STARD13: variants seen among roughly 807,000 people sequenced by gnomAD.
STARD13 encodes StAR related lipid transfer domain containing 13, also known as stAR-related lipid transfer protein 13.
Under a neutral mutation model 106.4 loss-of-function variants are expected in STARD13, and 62 were observed. The ratio of observed to expected loss-of-function variants is 0.58; its 90% CI spans 0.48 to 0.72. The LOEUF is 0.72. STARD13 is among the 30% of genes least tolerant of loss of function. The pLI is 0.00. For missense variants in STARD13, 1,387 were observed against 1,424.0 expected, an observed-to-expected ratio of 0.97 and a Z score of 0.42; for synonymous variants, 565 against 553.0, an observed-to-expected ratio of 1.02 and a Z score of -0.31.
chr13:33,123,722 T>C (rs889256639), intron 7 of STARD13, among the ~76,000 whole-genome samples: 1 of 152,202 alleles, frequency 6.6e-6, no homozygotes, highest in African/African-American at 2.4e-5. Flanking sequence ...CTGCTGGGCA[T>C]GCAGGAGTGT....
chr13:33,370,359 T>C, the STARD13 span, among the ~76,000 whole-genome samples: 4 of 152,190 alleles, frequency 2.6e-5, no homozygotes, highest in East Asian at 1.9e-4. Context: ...TGAATTTCCA[T>C]ACATCTCTCA....
intron 1 of STARD13, among the ~76,000 whole-genome samples, chr13:33,328,760 C>T (rs2138552246): frequency 6.6e-6 from 1 of 152,322 alleles, no homozygotes; most frequent in Middle Eastern, 3.4e-3. Context: ...AGTGAGTTAT[C>T]AGTGGAGGTA....
chr13:33,143,889 T>C (rs747385119), intron 3 of STARD13, among the ~76,000 whole-genome samples: 70 of 152,184 alleles, frequency 4.6e-4, no homozygotes, highest in Non-Finnish European at 8.8e-4. Flanking sequence ...AACCATTGAA[T>C]TCAATGGCTT....
At chr13:33,248,999 C>T (rs1193803503) in intron 1 of STARD13, among the ~76,000 whole-genome samples, 1 of 152,140 alleles carries the variant, frequency 6.6e-6, no homozygotes, top group Admixed American at 6.5e-5. Flanking sequence ...CCTTTTTCCC[C>T]TTGCCAGATA....
intron 1 of STARD13, among the ~76,000 whole-genome samples, chr13:33,192,636 T>A (rs1484818136): frequency 6.6e-6 from 1 of 152,194 alleles, no homozygotes; most frequent in African/African-American, 2.4e-5. Context: ...CAGTGGCTCA[T>A]GCCTGTAATC....
At chr13:33,422,124 G>C in the STARD13 span, among the ~76,000 whole-genome samples, 2 of 152,048 alleles carry the variant, frequency 1.3e-5, no homozygotes, top group Non-Finnish European at 2.9e-5. Context: ...AGAAATAAAG[G>C]GTATTCAATA....
the STARD13 span, among the ~76,000 whole-genome samples, chr13:33,508,270 A>T: frequency 1.9e-4 from 29 of 152,202 alleles, no homozygotes; most frequent in African/African-American, 6.5e-4. Context: ...TGGCCCAGAC[A>T]GGCCAACAAA....
At chr13:33,530,072 T>A in the STARD13 span, among the ~76,000 whole-genome samples, 4 of 151,340 alleles carry the variant, frequency 2.6e-5, no homozygotes, top group Admixed American at 2.6e-4. Context: ...ATTGCTGGTA[T>A]CCCAACATTT....
chr13:33,522,599 G>C, the STARD13 span, among the ~76,000 whole-genome samples: 1 of 151,940 alleles, frequency 6.6e-6, no homozygotes, highest in Admixed American at 6.6e-5. Context: ...TCTTAATTTT[G>C]TCTTTTTCAT....
chr13:33,317,331 T>G (rs1172881787), intron 1 of STARD13, among the ~76,000 whole-genome samples: 1 of 152,192 alleles, frequency 6.6e-6, no homozygotes, highest in Non-Finnish European at 1.5e-5. Flanking sequence ...GCCAGTTTCT[T>G]AAACTAAATC....
chr13:33,399,649 C>T, the STARD13 span, among the ~76,000 whole-genome samples: 2 of 134,012 alleles, frequency 1.5e-5, no homozygotes, highest in Non-Finnish European at 3.0e-5. Flanking sequence ...GGCAGTGAGC[C>T]GAGACTTCAC....
intron 1 of STARD13, among the ~76,000 whole-genome samples, chr13:33,241,557 C>T (rs1889497529): frequency 6.6e-6 from 1 of 150,770 alleles, no homozygotes; most frequent in African/African-American, 2.4e-5. Context: ...CCCCCTCCCC[C>T]TCTCCCCTTT....
At chr13:33,258,316 T>C (rs910832605) in intron 1 of STARD13, among the ~76,000 whole-genome samples, 2 of 152,134 alleles carry the variant, frequency 1.3e-5, no homozygotes, top group Non-Finnish European at 2.9e-5. Flanking sequence ...CCTAAAAAAA[T>C]AGATGTGCTA....
intron 1 of STARD13, among the ~76,000 whole-genome samples, chr13:33,236,931 T>C (rs1889218282): frequency 1.3e-5 from 2 of 152,368 alleles, no homozygotes; most frequent in South Asian, 4.1e-4. Flanking sequence ...CAGAGTTTGA[T>C]AGTTTTTGAC....
chr13:33,513,489 C>T, the STARD13 span, among the ~76,000 whole-genome samples: 4 of 152,196 alleles, frequency 2.6e-5, no homozygotes, highest in African/African-American at 9.6e-5. Context: ...ACCTCAACTT[C>T]TTCCTCCTCA....
At chr13:33,336,729 C>T (rs998251581) in intron 1 of STARD13, 5 of 133,230 alleles carry the variant, frequency 3.8e-5, no homozygotes, top group Admixed American at 2.7e-4. Context: ...GCACTCCATC[C>T]TGGGTGACAC....
At chr13:33,186,293 T>G (rs1330202734) in intron 1 of STARD13, among the ~76,000 whole-genome samples, 4 of 152,170 alleles carry the variant, frequency 2.6e-5, no homozygotes, top group African/African-American at 9.7e-5. Flanking sequence ...ATCAAACCCC[T>G]AAAGAGGACT....
the STARD13 span, among the ~76,000 whole-genome samples, chr13:33,570,929 A>G: frequency 2.6e-5 from 4 of 152,192 alleles, no homozygotes; most frequent in Non-Finnish European, 5.9e-5. Flanking sequence ...ATATACAGAA[A>G]GATATGGCTT....
chr13:33,504,880 A>G, the STARD13 span, among the ~76,000 whole-genome samples: 2 of 152,208 alleles, frequency 1.3e-5, no homozygotes, highest in Non-Finnish European at 2.9e-5. Flanking sequence ...CACCACGAAG[A>G]TGGCAGCAAT....
Sources: gnomAD v4.1 joint callset for allele counts (sites outside exome capture counted in the v4.1 genomes callset) on GRCh38, gnomAD v4.1.1 for gene constraint, MANE v1.5 for transcripts, NCBI Gene and HGNC (gene_info 2026-07-23, HGNC 2026-07-21) for gene names.